CPE: variants seen among roughly 807,000 people sequenced by gnomAD.
CPE encodes carboxypeptidase E.
In CPE, 17 loss-of-function variants were observed where a neutral mutation model predicts 53.5. The ratio of observed to expected loss-of-function variants is 0.32; its 90% CI spans 0.22 to 0.48. CPE has a LOEUF of 0.48. CPE is among the 20% of genes least tolerant of loss of function. The pLI is 0.99. For missense variants in CPE, 524 were observed against 614.7 expected, an observed-to-expected ratio of 0.85 and a Z score of 1.56; for synonymous variants, 226 against 228.8, an observed-to-expected ratio of 0.99 and a Z score of 0.11.
Position 165,484,497 on chromosome 4 carries a change from A to T in CPE, c.866A>T (p.Asn289Ile). Residue 289 changes from asparagine to isoleucine, a missense_variant, in exon 5 of 9, where the codon AAC (asparagine) becomes ATC (isoleucine). Physicochemically the swap from Asn to Ile is moderately radical, Grantham distance 149 (BLOSUM62 -3). Coordinates refer to ENST00000402744, the MANE Select transcript of CPE (RefSeq NM_001873.4). ...TTGGCCCGGGCATACTCTTCTTTCA[A>T]CCCGGCCATGTCTGACCCCAATCGG... is the stretch of plus-strand genomic sequence containing the variant. The part of the protein sequence containing the change: ...QSLARAYSSF[N>I]PAMSDPNRPP... 6.2e-7 allele frequency: 1 copy of T among 1,613,958 alleles called. No individual in the cohort carries two copies.
At position 165,493,287 on chromosome 4, in the gene CPE, A is replaced by G. The variant is rs558171413; in HGVS notation, c.1213+17A>G. 1.1e-5 allele frequency: 17 copies of G among 1,538,094 alleles called. No individual in the cohort carries two copies. In the African/African-American group the frequency reaches 1.4e-4, roughly 12 times the overall value. ...TTACATCCGGTGGGTCTTTGCCACAATTGGAGGCTCTACGTTATGTACAAG... is the reference window on the plus strand; with the variant it reads ...TTACATCCGGTGGGTCTTTGCCACAGTTGGAGGCTCTACGTTATGTACAAG... On this transcript the variant is annotated intron_variant, in intron 7 of 8. Transcript: ENST00000402744.
At chr4:165,419,148 T>A (rs750519657) in intron 1 of CPE, among the ~76,000 whole-genome samples, 1 of 152,216 alleles carries the variant, frequency 6.6e-6, no homozygotes. Context: ...TTTGATTTCA[T>A]GCATAAGAAA....
chr4:165,425,158 G>T (rs1237724562), intron 1 of CPE, among the ~76,000 whole-genome samples: 1 of 152,116 alleles, frequency 6.6e-6, no homozygotes, highest in Admixed American at 6.6e-5. Flanking sequence ...GATTACCAGT[G>T]TGAGCTACTG....
intron 1 of CPE, among the ~76,000 whole-genome samples, chr4:165,383,965 G>C: frequency 6.6e-6 from 1 of 152,194 alleles, no homozygotes. Flanking sequence ...GTTAATGGAA[G>C]AGAAGGCAAG....
At chr4:165,423,002 T>C (rs988339453) in intron 1 of CPE, among the ~76,000 whole-genome samples, 21 of 129,514 alleles carry the variant, frequency 1.6e-4, no homozygotes, top group African/African-American at 4.6e-4. Context: ...AAAAAAGATA[T>C]ACACTGGGTT....
chr4:165,497,101 T>A (rs1732715602), intron 8 of CPE, among the ~76,000 whole-genome samples: 1 of 152,106 alleles, frequency 6.6e-6, no homozygotes, highest in South Asian at 2.1e-4. Flanking sequence ...TTTGTATTTT[T>A]AGCAGAGATG....
intron 1 of CPE, among the ~76,000 whole-genome samples, chr4:165,443,504 CAG>C (rs920142748): frequency 3.9e-5 from 6 of 152,158 alleles, no homozygotes; most frequent in Non-Finnish European, 7.3e-5. Flanking sequence ...CAAAGGCAGG[CAG>C]GTTTGTTTTC....
chr4:165,469,081 AC>A (rs1732155398), intron 3 of CPE, among the ~76,000 whole-genome samples: 1 of 152,220 alleles, frequency 6.6e-6, no homozygotes, highest in Non-Finnish European at 1.5e-5. Flanking sequence ...AGGACCTGGA[AC>A]TTTTATTACC....
chr4:165,497,626 G>A lies in CPE; in HGVS notation c.*16G>A. On this transcript the variant is annotated 3_prime_UTR_variant, in exon 9 of 9. Transcript: ENST00000402744. Reference sequence around the variant, plus strand: ...AAATTTTTAAAAAGGCTTCTAGTTAGCTGCTTTAAATCTATCTATATAATG... The same window carrying A: ...AAATTTTTAAAAAGGCTTCTAGTTAACTGCTTTAAATCTATCTATATAATG... The A allele has an allele frequency of 6.8e-7, 1 of 1,480,086 alleles. No homozygotes were observed. The highest frequency in any genetic ancestry group is 9.2e-7 in the Non-Finnish European group (1 of 1,092,720). 91.7% of individuals were successfully genotyped at this position (1,480,086 alleles called of 1,614,324 possible).
At chr4:165,488,791 G>A (rs1172123971) in intron 6 of CPE, among the ~76,000 whole-genome samples, 1 of 151,838 alleles carries the variant, frequency 6.6e-6, no homozygotes, top group African/African-American at 2.4e-5. Flanking sequence ...ACCATTGCAA[G>A]GCTCTGTTGC....
At chr4:165,477,443 A>G (rs1560893791) in intron 3 of CPE, among the ~76,000 whole-genome samples, 1 of 152,204 alleles carries the variant, frequency 6.6e-6, no homozygotes, top group Non-Finnish European at 1.5e-5. Flanking sequence ...CTTCATAATC[A>G]TGGGGTGATA....
intron 1 of CPE, among the ~76,000 whole-genome samples, chr4:165,440,527 G>T (rs1731591329): frequency 6.7e-6 from 1 of 149,820 alleles, no homozygotes; most frequent in African/African-American, 2.5e-5. Context: ...AAATGCCACT[G>T]ATTTCATGAT....
chr4:165,493,946 A>G (rs1201967024), intron 7 of CPE, among the ~76,000 whole-genome samples: 1 of 152,158 alleles, frequency 6.6e-6, no homozygotes, highest in African/African-American at 2.4e-5. Flanking sequence ...TCTTTTCAAT[A>G]ATGACAACTT....
chr4:165,401,018 C>T (rs28530788), intron 1 of CPE, among the ~76,000 whole-genome samples: 1 of 151,902 alleles, frequency 6.6e-6, no homozygotes, highest in Admixed American at 6.6e-5. Flanking sequence ...TCTAATGAGC[C>T]GTTTTCAATC....
intron 1 of CPE, among the ~76,000 whole-genome samples, chr4:165,417,859 G>A (rs1392258685): frequency 6.6e-6 from 1 of 150,912 alleles, no homozygotes; most frequent in African/African-American, 2.4e-5. Flanking sequence ...AATTTGTAGT[G>A]AATGGGAAAA....
chr4:165,481,492 G>A (rs953998643), intron 3 of CPE, among the ~76,000 whole-genome samples: 1 of 152,172 alleles, frequency 6.6e-6, no homozygotes, highest in Non-Finnish European at 1.5e-5. Flanking sequence ...GGGTTTGAGA[G>A]TCTTCCTAGT....
intron 1 of CPE, among the ~76,000 whole-genome samples, chr4:165,454,515 T>C (rs1412852495): frequency 6.6e-6 from 1 of 152,240 alleles, no homozygotes; most frequent in Non-Finnish European, 1.5e-5. Context: ...TTAATGCTAC[T>C]ACCTCTTTAT....
chr4:165,404,972 A>G, intron 1 of CPE: 1 of 756,542 alleles, frequency 1.3e-6, no homozygotes, highest in Non-Finnish European at 2.5e-6. Context: ...CACTGCTTCT[A>G]CTTCCTTTAG....
chr4:165,453,308 TTTCC>T (rs796485164), intron 1 of CPE, among the ~76,000 whole-genome samples: 83 of 151,566 alleles, frequency 5.5e-4, no homozygotes, highest in South Asian at 1.0e-3. Flanking sequence ...TTTCTTTCTT[TTTCC>T]TTCCTTCCTT....
Sources: allele counts gnomAD v4.1 joint callset (sites outside exome capture counted in the v4.1 genomes callset), GRCh38; gene constraint gnomAD v4.1.1; transcripts MANE v1.5; gene names NCBI Gene and HGNC (gene_info 2026-07-23, HGNC 2026-07-21).